TNFAIP8L1: variants seen among roughly 807,000 people sequenced by gnomAD.
The protein encoded by TNFAIP8L1 is tumor necrosis factor alpha-induced protein 8-like protein 1.
For missense variants in TNFAIP8L1, 225 were observed against 266.1 expected (o/e 0.85, Z 1.08); for synonymous variants, 127 against 125.6 (o/e 1.01, Z -0.08).
At position 4,650,532 on chromosome 19, in the gene TNFAIP8L1, G is replaced by A. The variant is rs80258533; in HGVS notation, c.-3-1335G>A. Among the ~76,000 whole-genome samples the A allele has an allele frequency of 3.0e-3, 452 of 152,124 alleles. 7 individuals carry two copies. The East Asian group carries it at 0.058, about 20-fold the overall frequency. On this transcript the variant is annotated intron_variant, in intron 1 of 1. Transcript: ENST00000327473. ...AGGTGGGTGGAGGGGGAAGCTCCAG[G>A]GCTGGGGAAACTGGGCAGGCTACAG...
intron 1 of TNFAIP8L1, among the ~76,000 whole-genome samples, chr19:4,647,071 C>G (rs963191073): frequency 6.6e-6 from 1 of 152,180 alleles, no homozygotes; most frequent in African/African-American, 2.4e-5. Context: ...AGAGAACATT[C>G]CATTGTTTGG....
Position 4,651,908 on chromosome 19 carries a change from G to A in TNFAIP8L1, c.39G>A (p.Ala13=), listed in dbSNP as rs1021109419. 3 of 1,611,716 alleles carry A rather than the reference G, an allele frequency of 1.9e-6. No individual in the cohort carries two copies. The highest frequency in any genetic ancestry group is 2.5e-6 in the Non-Finnish European group (3 of 1,178,160). The change falls in exon 2 of 2, where the codon GCG becomes GCA. Residue 13 remains alanine, a synonymous_variant. Transcript: ENST00000327473. ...TFSTKSLALQ[A]QKKLLSKMAS... ...GCACCAAGAGCCTGGCTCTGCAGGC[G>A]CAGAAGAAGCTCCTGAGTAAGATGG...
In TNFAIP8L1 at chr19:4,652,804, G is replaced by A. The variant is rs1003389742; in HGVS notation, c.*374G>A. 2.8e-5 allele frequency: 7 copies of A among 248,840 alleles called. No homozygotes were observed. Among genetic ancestry groups the A allele is most frequent in the Non-Finnish European group, 4.9e-5 (6 of 122,100 alleles). The allele number at this position is 248,840 out of a possible 1,614,324, so 15.4% of individuals were successfully genotyped here. A position where few individuals can be genotyped will look rare whatever the true frequency, so the allele number is the denominator to read the frequency against. On this transcript the variant is annotated 3_prime_UTR_variant, in exon 2 of 2. Coordinates refer to ENST00000327473, the MANE Select transcript of TNFAIP8L1 (RefSeq NM_152362.3). ...CCTGGGATTTTCATCCCTCGCACAA[G>A]GACTACGGGTTCACACGGTGAACTG... is the stretch of plus-strand genomic sequence containing the variant.
chr19:4,646,382 C>T (rs2088311586), intron 1 of TNFAIP8L1, among the ~76,000 whole-genome samples: 1 of 151,736 alleles, frequency 6.6e-6, no homozygotes, highest in African/African-American at 2.4e-5. Context: ...CTCCCTCTGC[C>T]TCCCAAACTG....
chr19:4,648,608 G>T (rs1397445504), intron 1 of TNFAIP8L1, among the ~76,000 whole-genome samples: 1 of 152,210 alleles, frequency 6.6e-6, no homozygotes, highest in African/African-American at 2.4e-5. Flanking sequence ...CAGGGGGCGG[G>T]GGTTGCTCTT....
At position 4,645,916 on chromosome 19, in the gene TNFAIP8L1, C is replaced by T. The variant is rs958069034; in HGVS notation, c.-3-5951C>T. 1.3e-5 allele frequency among the ~76,000 whole-genome samples: 2 copies of T among 152,046 alleles called. No homozygotes were observed. The highest frequency in any genetic ancestry group is 2.4e-5 in the African/African-American group (1 of 41,356). The stretch of plus-strand genomic sequence containing the variant: ...GCCTCCTGGCTGTTCCTGTAACAAG[C>T]GTGACACAGCCCTGCCCCAGGGCCT... On this transcript the variant is annotated intron_variant, in intron 1 of 1. Coordinates refer to ENST00000327473, the MANE Select transcript of TNFAIP8L1 (RefSeq NM_152362.3). The surrounding 1 kb of genome is among the most constrained non-coding windows in gnomAD (Gnocchi z 4.1).
Position 4,652,100 on chromosome 19 carries a change from C to A in TNFAIP8L1, c.231C>A (p.Asp77Glu), listed in dbSNP as rs909883347. Residue 77 changes from aspartate (D) to glutamate (E), a missense_variant, in exon 2 of 2, where the codon GAC (aspartate) becomes GAA (glutamate). Transcript: ENST00000327473. The part of the protein sequence containing the change: ...ALKLGLLLRG[D>E]QLGGEELALL... ...AGCTGGGACTGCTGCTGCGTGGGGACCAGCTGGGCGGTGAGGAGCTGGCGC... is the reference window on the plus strand; with the variant it reads ...AGCTGGGACTGCTGCTGCGTGGGGAACAGCTGGGCGGTGAGGAGCTGGCGC... The A allele has an allele frequency of 3.1e-6, 5 of 1,596,572 alleles. No homozygotes were observed. In the African/African-American group the frequency reaches 6.7e-5, roughly 21 times the overall value.
In TNFAIP8L1 at chr19:4,652,240, G is replaced by A. The variant is rs1434047219; in HGVS notation, c.371G>A (p.Arg124His). The stretch of plus-strand genomic sequence containing the variant: ...CTGGCCGCCGGGCTGCTCGAGTGCC[G>A]CGACCTGCTGCACCAGGCCGTGGGT... ...RVLAAGLLEC[R>H]DLLHQAVGPH... The change falls in exon 2 of 2, where the codon CGC (arginine) becomes CAC (histidine). Residue 124 changes from arginine to histidine, a missense_variant. Physicochemically the swap from Arg to His is conservative, Grantham distance 29. Transcript: ENST00000327473. The A allele has an allele frequency of 1.3e-6, 2 of 1,551,470 alleles. No individual in the cohort carries two copies. Among genetic ancestry groups the A allele is most frequent in the South Asian group, 1.2e-5 (1 of 85,290 alleles).
In TNFAIP8L1 at chr19:4,645,373, C is replaced by G. The variant is rs1356964526; in HGVS notation, c.-4+5744C>G. Among the ~76,000 whole-genome samples, 1 of 151,992 alleles carries G rather than the reference C, an allele frequency of 6.6e-6. No homozygotes were observed. The highest frequency in any genetic ancestry group is 1.5e-5 in the Non-Finnish European group (1 of 68,024). ...GACCAGCCTGGCCGACATGGCCAAA[C>G]CCCGTCTCTACTAAAAATACACAAA... On this transcript the variant is annotated intron_variant, in intron 1 of 1. Coordinates refer to ENST00000327473, the MANE Select transcript of TNFAIP8L1 (RefSeq NM_152362.3). This position sits in a 1 kb window ranked among gnomAD's most constrained non-coding sequence, Gnocchi z 4.1.
intron 1 of TNFAIP8L1, chr19:4,639,861 C>G (rs924072891): frequency 2.0e-5 from 3 of 153,408 alleles, no homozygotes; most frequent in East Asian, 3.8e-4. Flanking sequence ...ACCAGCACCC[C>G]CATCCCCCAT....
chr19:4,648,045 G>T (rs2088328397), intron 1 of TNFAIP8L1, among the ~76,000 whole-genome samples: 1 of 152,216 alleles, frequency 6.6e-6, no homozygotes, highest in Non-Finnish European at 1.5e-5. Flanking sequence ...GGTCTCTTCT[G>T]CAAAGCAGGC....
At chr19:4,651,517 A>G (rs1036098828) in intron 1 of TNFAIP8L1, among the ~76,000 whole-genome samples, 17 of 151,436 alleles carry the variant, frequency 1.1e-4, no homozygotes, top group African/African-American at 4.1e-4. Context: ...GCTCACTGCA[A>G]CCTCCGCCTC....
rs548646407 is a variant in TNFAIP8L1 at position 4,645,274 on chromosome 19, G to A, written c.-4+5645G>A. On this transcript the variant is annotated intron_variant, in intron 1 of 1. Transcript: ENST00000327473. This position sits in a 1 kb window ranked among gnomAD's most constrained non-coding sequence, Gnocchi z 4.1. Reference sequence around the variant, plus strand: ...TATAAACTTATAGTTAAGGCTGGGCGTGGTGGCTCCCACCTGTAATCCCAG... The same window carrying A: ...TATAAACTTATAGTTAAGGCTGGGCATGGTGGCTCCCACCTGTAATCCCAG... 1.6e-4 allele frequency among the ~76,000 whole-genome samples: 24 copies of A among 152,310 alleles called. No individual in the cohort carries two copies. Among genetic ancestry groups the A allele is most frequent in the African/African-American group, 5.1e-4 (21 of 41,572 alleles).
chr19:4,649,779 G>A (rs2088345191), intron 1 of TNFAIP8L1, among the ~76,000 whole-genome samples: 1 of 152,388 alleles, frequency 6.6e-6, no homozygotes, highest in Non-Finnish European at 1.5e-5. Flanking sequence ...GCCTAGGCCT[G>A]TGCAGAGCCA....
rs1430257520 is a variant in TNFAIP8L1 at position 4,645,899 on chromosome 19, GCTGTTC to G, written c.-3-5963_-3-5958del. On this transcript the variant is annotated intron_variant, in intron 1 of 1. Coordinates refer to ENST00000327473, the MANE Select transcript of TNFAIP8L1 (RefSeq NM_152362.3). The surrounding 1 kb of genome is among the most constrained non-coding windows in gnomAD (Gnocchi z 4.1). ...CTGTGGACAGGGCTGAGGCCTCCTG[GCTGTTC>G]CTGTAACAAGCGTGACACAGCCCTG... Among the ~76,000 whole-genome samples the G allele has an allele frequency of 6.6e-6, 1 of 152,058 alleles. No homozygotes were observed. The highest frequency in any genetic ancestry group is 1.5e-5 in the Non-Finnish European group (1 of 68,006).
chr19:4,655,013 T>G lies in TNFAIP8L1; in HGVS notation c.*2583T>G, dbSNP rs1326168160. ...GGCTCCATTCAGTATTTGAGACATT[T>G]GGAATTTGTCTGCATTTAAAACCAA... On this transcript the variant is annotated 3_prime_UTR_variant, in exon 2 of 2. Coordinates refer to ENST00000327473, the MANE Select transcript of TNFAIP8L1 (RefSeq NM_152362.3). The G allele has an allele frequency of 2.6e-5, 4 of 152,222 alleles. No homozygotes were observed. Among genetic ancestry groups the G allele is most frequent in the African/African-American group, 9.7e-5 (4 of 41,440 alleles). The allele number at this position is 152,222 out of a possible 1,614,324, so 9.4% of individuals were successfully genotyped here.
chr19:4,639,651 G>GC (rs1599820350), intron 1 of TNFAIP8L1, 22 bp downstream of exon 1: 2 of 152,320 alleles, frequency 1.3e-5, no homozygotes, highest in African/African-American at 4.8e-5. Context: ...GTGCCGGGGC[G>GC]CCCCCCATTT....
At chr19:4,649,225 C>T (rs531122685) in intron 1 of TNFAIP8L1, among the ~76,000 whole-genome samples, 14 of 148,882 alleles carry the variant, frequency 9.4e-5, no homozygotes, top group Non-Finnish European at 1.8e-4. Flanking sequence ...CCACCGCGCC[C>T]GGCCAGCTTT....
intron 1 of TNFAIP8L1, among the ~76,000 whole-genome samples, chr19:4,650,704 T>C (rs2145172559): frequency 6.6e-6 from 1 of 152,208 alleles, no homozygotes; most frequent in Admixed American, 6.5e-5. Flanking sequence ...TCCAAGTCAA[T>C]GTTTCCCTGT....
Sources: allele counts gnomAD v4.1 joint callset (sites outside exome capture counted in the v4.1 genomes callset), GRCh38; gene constraint gnomAD v4.1.1; non-coding constraint Gnocchi (gnomAD v3.1); transcripts MANE v1.5; gene names NCBI Gene and HGNC (gene_info 2026-07-23, HGNC 2026-07-21).